The following KIDINS220 variants were observed in gnomAD, a reference collection of about 807,000 sequenced individuals.
KIDINS220 encodes the protein kinase D interacting substrate 220.
Under a neutral mutation model 157.6 loss-of-function variants are expected in KIDINS220, and 63 were observed. That is an observed-to-expected ratio of 0.40 (90% CI 0.33 to 0.49). KIDINS220 has a LOEUF of 0.49. Ranked by LOEUF, KIDINS220 falls within the 20% of genes least tolerant of loss-of-function variation. The pLI, the probability that KIDINS220 is intolerant of heterozygous loss-of-function variation, is 0.66. For missense variants in KIDINS220, 1,772 were observed against 2,171.2 expected, an observed-to-expected ratio of 0.82 and a Z score of 3.65; for synonymous variants, 732 against 783.6, an observed-to-expected ratio of 0.93 and a Z score of 1.10.
chr2:8,764,247 C>T (rs1438961090), intron 22 of KIDINS220, among the ~76,000 whole-genome samples: 2 of 151,940 alleles, frequency 1.3e-5, no homozygotes, highest in Non-Finnish European at 2.9e-5. Context: ...TCAGAAGGGA[C>T]AGGATGGGAG....
At chr2:8,824,245 G>A (rs1037504126) in intron 2 of KIDINS220, among the ~76,000 whole-genome samples, 6 of 151,926 alleles carry the variant, frequency 3.9e-5, no homozygotes, top group Non-Finnish European at 7.4e-5. Flanking sequence ...GAAAATGAAC[G>A]AAAACATTCA....
rs992311297 is a variant in KIDINS220 at position 8,780,549 on chromosome 2, G to T, written c.2230-735C>A. Among the ~76,000 whole-genome samples the T allele has an allele frequency of 2.1e-3, 316 of 149,388 alleles. 1 individual carries two copies. Among genetic ancestry groups the T allele is most frequent in the African/African-American group, 6.1e-3 (250 of 40,758 alleles). ...GTGTGTGTGTGTGTGTGTGGTGGGG[G>T]GTGTGTGTGTGTGTGTATAATGTAC... On this transcript the variant is annotated intron_variant, in intron 17 of 29. Coordinates refer to ENST00000256707, the MANE Select transcript of KIDINS220 (RefSeq NM_020738.4).
intron 6 of KIDINS220, among the ~76,000 whole-genome samples, chr2:8,810,878 GC>G (rs1407529620): frequency 6.6e-6 from 1 of 152,084 alleles, no homozygotes; most frequent in Non-Finnish European, 1.5e-5. Flanking sequence ...CAGTACAAAT[GC>G]AATATTCTTA....
chr2:8,834,313 C>T (rs935743865), intron 1 of KIDINS220, among the ~76,000 whole-genome samples: 8 of 151,974 alleles, frequency 5.3e-5, no homozygotes, highest in Admixed American at 3.9e-4. Context: ...ATCTATTCCA[C>T]CCCTTCTCCA....
At chr2:8,784,309 A>G (rs1462473702) in intron 17 of KIDINS220, among the ~76,000 whole-genome samples, 1 of 152,218 alleles carries the variant, frequency 6.6e-6, no homozygotes, top group African/African-American at 2.4e-5. Context: ...GCAAAAGTAT[A>G]AAACACCTAG....
At chr2:8,780,930 T>C (rs1671633322) in intron 17 of KIDINS220, among the ~76,000 whole-genome samples, 2 of 151,706 alleles carry the variant, frequency 1.3e-5, no homozygotes, top group Middle Eastern at 3.4e-3. Context: ...TAGATATTAA[T>C]CCATCAAAAC....
intron 17 of KIDINS220, 145 bp downstream of exon 17, chr2:8,785,596 T>C (rs1672282577): frequency 1.3e-6 from 1 of 765,722 alleles, no homozygotes. Flanking sequence ...TAGTCTTGAA[T>C]GAACGAATGA....
chr2:8,828,666 TA>T (rs1486168631), intron 1 of KIDINS220, among the ~76,000 whole-genome samples: 2 of 152,202 alleles, frequency 1.3e-5, no homozygotes, highest in Non-Finnish European at 2.9e-5. Context: ...GATATAACAC[TA>T]AAAGCATGGT....
Position 8,751,547 on chromosome 2 carries a change from G to A in KIDINS220, c.3109C>T (p.Pro1037Ser). 3 of 1,613,364 alleles carry A rather than the reference G, an allele frequency of 1.9e-6. No individual in the cohort carries two copies. In the East Asian group the frequency reaches 6.7e-5, roughly 36 times the overall value. The change falls in exon 23 of 30, where the codon CCA becomes TCA. Residue 1037 changes from proline to serine, a missense_variant. Physicochemically the swap from Pro to Ser is moderately conservative, Grantham distance 74. Transcript: ENST00000256707. ...NFEVFLSSRT[P>S]VLVARDVKVF... ...TTTACATCTCGAGCCACAAGAACTG[G>A]GGTCCTTGAAGACAAAAACACTTCA...
At chr2:8,810,341 T>A (rs1380123760) in intron 6 of KIDINS220, among the ~76,000 whole-genome samples, 1 of 152,210 alleles carries the variant, frequency 6.6e-6, no homozygotes, top group Non-Finnish European at 1.5e-5. Flanking sequence ...GGGCACTGCA[T>A]AGTGGGTACT....
intron 26 of KIDINS220, chr2:8,737,227 T>C (rs1220286974): frequency 5.3e-6 from 2 of 374,780 alleles, no homozygotes; most frequent in Non-Finnish European, 9.6e-6. Flanking sequence ...AACCATTTTT[T>C]CTAAGAAAAC....
At chr2:8,826,886 A>C (rs376803580) in intron 2 of KIDINS220, 100 bp downstream of exon 2, 4 of 584,716 alleles carry the variant, frequency 6.8e-6, no homozygotes, top group East Asian at 5.4e-5. Context: ...AGTATTACTA[A>C]GGGTTAGAAC....
rs545368687 is a variant in KIDINS220, at chr2:8,731,394, T to C, written c.4642A>G (p.Lys1548Glu). 1 of 1,614,234 alleles carries C rather than the reference T, an allele frequency of 6.2e-7. No individual in the cohort carries two copies. The highest frequency in any genetic ancestry group is 1.1e-5 in the South Asian group (1 of 91,082). ...GGAGACTTCGGCACTCTCTCTACTT[T>C]CCCTTCGGCTTTTCTGTCTTTGTCA... ...KDDKDRKAEG[K>E]VERVPKSPEH... Residue 1548 changes from lysine (K) to glutamate (E), a missense_variant, in exon 30 of 30, where the codon AAA (lysine) becomes GAA (glutamate). Around this residue, in one of 3 missense-constraint regions of KIDINS220, gnomAD observed 793 missense variants for 885.5 expected, o/e 0.90. Transcript: ENST00000256707. The surrounding 1 kb of genome is among the most constrained non-coding windows in gnomAD (Gnocchi z 5.2).
chr2:8,805,273 T>C lies in KIDINS220; in HGVS notation c.603+998A>G, dbSNP rs1194151639. 2.6e-5 allele frequency among the ~76,000 whole-genome samples: 4 copies of C among 152,216 alleles called. No homozygotes were observed. The East Asian group carries it at 7.7e-4, about 29-fold the overall frequency. ...TTGGGTTTTTATGTGGGCTTCATTA[T>C]GAAGGCATGATTTATTAAATCATTG... On this transcript the variant is annotated intron_variant, in intron 7 of 29. Coordinates refer to ENST00000256707, the MANE Select transcript of KIDINS220 (RefSeq NM_020738.4).
Position 8,779,687 on chromosome 2 carries a change from T to G in KIDINS220, c.2357A>C (p.Gln786Pro), listed in dbSNP as rs1671443308. 6.2e-7 allele frequency: 1 copy of G among 1,613,942 alleles called. No individual in the cohort carries two copies. The highest frequency in any genetic ancestry group is 8.5e-7 in the Non-Finnish European group (1 of 1,179,912). Residue 786 changes from glutamine (Q) to proline (P), a missense_variant, in exon 18 of 30, where the codon CAG (glutamine) becomes CCG (proline). Transcript: ENST00000256707. ...LDACEQDKVL[Q>P]MLDTVRVLFS... is the part of the protein sequence containing the mutation. ...GCGCAAACGTACAGTGTCCAGCATCTGAAGGACTTTGTCCTGCTCACAGGC... is the reference window on the plus strand; with the variant it reads ...GCGCAAACGTACAGTGTCCAGCATCGGAAGGACTTTGTCCTGCTCACAGGC...
At chr2:8,823,309 C>A (rs1289907391) in intron 2 of KIDINS220, among the ~76,000 whole-genome samples, 2 of 151,578 alleles carry the variant, frequency 1.3e-5, no homozygotes, top group African/African-American at 4.9e-5. Context: ...AACTGGTAAC[C>A]AAACACATTA....
intron 24 of KIDINS220, among the ~76,000 whole-genome samples, chr2:8,748,212 G>C (rs1334955535): frequency 1.3e-5 from 2 of 152,056 alleles, no homozygotes; most frequent in African/African-American, 2.4e-5. Context: ...TTTCATATAA[G>C]CTTTTTTCAG....
intron 23 of KIDINS220, among the ~76,000 whole-genome samples, chr2:8,750,600 T>C (rs1476958206): frequency 6.6e-6 from 1 of 152,238 alleles, no homozygotes; most frequent in East Asian, 1.9e-4. Context: ...ATTGGAACAA[T>C]TGACTCTTCT....
At chr2:8,779,226 T>C in intron 18 of KIDINS220, 87 bp from the exon 19 acceptor site, 3 of 1,478,516 alleles carry the variant, frequency 2.0e-6, no homozygotes, top group Non-Finnish European at 1.8e-6. Flanking sequence ...TGCTACCTTT[T>C]GGTGACAATA....
Sources: allele counts gnomAD v4.1 joint callset (sites outside exome capture counted in the v4.1 genomes callset), GRCh38; gene constraint gnomAD v4.1.1; regional missense constraint gnomAD v4.1.1; non-coding constraint Gnocchi (gnomAD v3.1); transcripts MANE v1.5; gene names NCBI Gene and HGNC (gene_info 2026-07-23, HGNC 2026-07-21).